The following PIEZO2 variants were observed in gnomAD, a reference collection of about 807,000 sequenced individuals.
The protein encoded by PIEZO2 is piezo type mechanosensitive ion channel component 2, also known as piezo-type mechanosensitive ion channel component 2.
PIEZO2 carries 172 observed loss-of-function variants against 337.3 expected under a neutral mutation model. The observed-to-expected ratio is 0.51, with a 90% CI of 0.45 to 0.58. The LOEUF is 0.58. Among genes scored for constraint, PIEZO2 ranks in the 20% least tolerant of loss-of-function variants. The probability of loss-of-function intolerance (pLI) is 0.00; values close to 1 mark genes in which losing one functional copy is unlikely to be tolerated. For missense variants in PIEZO2, 3,028 were observed against 3,391.3 expected (o/e 0.89, Z 2.66); for synonymous variants, 1,251 against 1,228.5 (o/e 1.02, Z -0.38).
In PIEZO2 at chr18:11,110,003, C is replaced by T. The variant is rs921513274; in HGVS notation, c.64+38522G>A. Among the ~76,000 whole-genome samples the T allele has an allele frequency of 3.9e-5, 6 of 152,144 alleles. No individual in the cohort carries two copies. Among genetic ancestry groups the T allele is most frequent in the Non-Finnish European group, 7.3e-5 (5 of 68,030 alleles). ...ACATTTGACCATGTGAGTCTGAAAA[C>T]ATGTTTCTTCCATTTCCATCTTTAT... On this transcript the variant is annotated intron_variant, in intron 1 of 55. Transcript: ENST00000674853. This position sits in a 1 kb window ranked among gnomAD's most constrained non-coding sequence, Gnocchi z 4.2.
intron 3 of PIEZO2, among the ~76,000 whole-genome samples, chr18:10,949,884 A>C (rs940211115): frequency 1.3e-5 from 2 of 152,234 alleles, no homozygotes; most frequent in East Asian, 3.9e-4. Context: ...GATAAGCAGA[A>C]GGCAGCCTCC....
At chr18:11,011,287 A>G (rs2035890973) in intron 2 of PIEZO2, among the ~76,000 whole-genome samples, 1 of 152,248 alleles carries the variant, frequency 6.6e-6, no homozygotes, top group Admixed American at 6.5e-5. Flanking sequence ...AGTCTTAATT[A>G]AATTATATTG....
Position 10,855,582 on chromosome 18 carries a change from G to A in PIEZO2, c.704-16C>T, listed in dbSNP as rs760073619. Reference sequence around the variant, plus strand: ...AACATCATGCCTAAGGAAGAGAAACGTAATCACAAAGTCAGGTAGAACTGG... The same window carrying A: ...AACATCATGCCTAAGGAAGAGAAACATAATCACAAAGTCAGGTAGAACTGG... On this transcript the variant is annotated splice_polypyrimidine_tract_variant and intron_variant, in intron 6 of 55. Transcript: ENST00000674853. This position sits in a 1 kb window ranked among gnomAD's most constrained non-coding sequence, Gnocchi z 4.9. The A allele has an allele frequency of 2.2e-4, 333 of 1,515,002 alleles. No homozygotes were observed. Among genetic ancestry groups the A allele is most frequent in the Non-Finnish European group, 2.7e-4 (303 of 1,128,318 alleles). The allele number at this position is 1,515,002 out of a possible 1,614,324, so 93.8% of individuals were successfully genotyped here. A position where few individuals can be genotyped will look rare whatever the true frequency, so the allele number is the denominator to read the frequency against.
intron 4 of PIEZO2, among the ~76,000 whole-genome samples, chr18:10,897,672 A>G (rs1461833411): frequency 1.3e-5 from 2 of 152,186 alleles, no homozygotes; most frequent in African/African-American, 4.8e-5. Context: ...GTATGTCTTT[A>G]TCAGCAGCAT....
rs1007809657 is a variant in PIEZO2, at chr18:11,111,726, G to T, written c.64+36799C>A. ...CTTGAACTGACACCGTCACACCCTCGGGGAATCCGTAGCCAGGCACCAGTC... is the reference window on the plus strand; with the variant it reads ...CTTGAACTGACACCGTCACACCCTCTGGGAATCCGTAGCCAGGCACCAGTC... On this transcript the variant is annotated intron_variant, in intron 1 of 55. Transcript: ENST00000674853. The surrounding 1 kb of genome is among the most constrained non-coding windows in gnomAD (Gnocchi z 6.2). Among the ~76,000 whole-genome samples, 1 of 152,124 alleles carries T rather than the reference G, an allele frequency of 6.6e-6. No individual in the cohort carries two copies. The highest frequency in any genetic ancestry group is 1.5e-5 in the Non-Finnish European group (1 of 68,028).
At chr18:11,108,231 A>G (rs970226626) in intron 1 of PIEZO2, among the ~76,000 whole-genome samples, 1 of 152,250 alleles carries the variant, frequency 6.6e-6, no homozygotes, top group Non-Finnish European at 1.5e-5. Context: ...TTCTTAAAAC[A>G]TAGCCAGATT....
Position 11,148,826 on chromosome 18 carries a change from A to AGCCCGGC in PIEZO2, c.-245_-239dup, listed in dbSNP as rs1313839606. 1 of 442,104 alleles carries AGCCCGGC rather than the reference A, an allele frequency of 2.3e-6. No individual in the cohort carries two copies. Among genetic ancestry groups the AGCCCGGC allele is most frequent in the Non-Finnish European group, 3.9e-6 (1 of 253,668 alleles). The allele number at this position is 442,104 out of a possible 1,614,324, so 27.4% of individuals were successfully genotyped here. On this transcript the variant is annotated 5_prime_UTR_variant, in exon 1 of 56. It introduces an in-frame stop codon into an upstream open reading frame of the 5' UTR. Transcript: ENST00000674853. This position sits in a 1 kb window ranked among gnomAD's most constrained non-coding sequence, Gnocchi z 5.2. The stretch of plus-strand genomic sequence containing the variant: ...CTCACCAGGCTCTTGGCGGCCACCT[A>AGCCCGGC]GCCCGGCGCCCGGCCCCCTGCGGCC...
At chr18:10,797,645 T>C in intron 11 of PIEZO2, 123 bp from the exon 12 acceptor site, 1 of 1,422,338 alleles carries the variant, frequency 7.0e-7, no homozygotes, top group Non-Finnish European at 9.2e-7. Flanking sequence ...TCAGAAATTG[T>C]TTCCCATTCA....
At chr18:10,995,136 A>T (rs1296859534) in intron 2 of PIEZO2, among the ~76,000 whole-genome samples, 5 of 148,736 alleles carry the variant, frequency 3.4e-5, no homozygotes, top group Non-Finnish European at 7.4e-5. Context: ...GCCAACATCT[A>T]TTTTTTTTTA....
At chr18:11,052,856 A>G (rs2037580759) in intron 2 of PIEZO2, among the ~76,000 whole-genome samples, 1 of 152,212 alleles carries the variant, frequency 6.6e-6, no homozygotes. Flanking sequence ...TATCTCCCTT[A>G]AGCATACTCA....
rs2036441694 is a variant in PIEZO2, at chr18:10,724,410, G to T, written c.5030-6151C>A. On this transcript the variant is annotated intron_variant, in intron 36 of 55. Transcript: ENST00000674853. This position sits in a 1 kb window ranked among gnomAD's most constrained non-coding sequence, Gnocchi z 5.8. ...CTTTCTCCTGGCCCAGCATACTTGG[G>T]TGAAGTCTGCTGGAGGCAATGCATG... is the stretch of plus-strand genomic sequence containing the variant. Among the ~76,000 whole-genome samples the T allele has an allele frequency of 6.6e-6, 1 of 152,138 alleles. No individual in the cohort carries two copies. The highest frequency in any genetic ancestry group is 1.5e-5 in the Non-Finnish European group (1 of 68,018).
At chr18:10,871,775 G>A (rs2042146217) in intron 4 of PIEZO2, among the ~76,000 whole-genome samples, 1 of 152,210 alleles carries the variant, frequency 6.6e-6, no homozygotes. Context: ...CTAGCAGCTA[G>A]AAGATATTTT....
At position 10,757,995 on chromosome 18, in the gene PIEZO2, G is replaced by T; in HGVS notation, c.3897C>A (p.Asn1299Lys). The T allele has an allele frequency of 6.5e-7, 1 of 1,536,852 alleles. No homozygotes were observed. The highest frequency in any genetic ancestry group is 8.7e-7 in the Non-Finnish European group (1 of 1,146,682). Reference sequence around the variant, plus strand: ...TGCAGTGAATAAAATCTGGCACAGGGTTATGTTGGCTGAAGGAGGCCGCAT... The same window carrying T: ...TGCAGTGAATAAAATCTGGCACAGGTTTATGTTGGCTGAAGGAGGCCGCAT... ...NLDAASFSQHNPVPDFIHCRS... is the reference protein window; with the variant it reads ...NLDAASFSQHKPVPDFIHCRS... Residue 1299 changes from asparagine to lysine, a missense_variant, in exon 27 of 56, where the codon AAC becomes AAA. Coordinates refer to ENST00000674853, the MANE Select transcript of PIEZO2 (RefSeq NM_001378183.1).
chr18:11,006,839 T>C (rs2035743274), intron 2 of PIEZO2, among the ~76,000 whole-genome samples: 1 of 152,194 alleles, frequency 6.6e-6, no homozygotes, highest in Non-Finnish European at 1.5e-5. Flanking sequence ...GTCTAAAAAA[T>C]GATCTTAAAG....
chr18:10,761,725 C>G, intron 23 of PIEZO2, among the ~76,000 whole-genome samples: 1 of 152,098 alleles, frequency 6.6e-6, no homozygotes, highest in Admixed American at 6.5e-5. Flanking sequence ...ATGGTGGGTA[C>G]TGGTACAAAA....
intron 3 of PIEZO2, among the ~76,000 whole-genome samples, chr18:10,939,226 A>G (rs554721730): frequency 2.6e-4 from 39 of 152,340 alleles, no homozygotes; most frequent in African/African-American, 8.9e-4. Flanking sequence ...TGCCAATAGA[A>G]TAGCTGGAAC....
In PIEZO2 at chr18:10,705,531, T is replaced by C. The variant is rs1198232080; in HGVS notation, c.5804A>G (p.Asp1935Gly). 9 of 1,537,118 alleles carry C rather than the reference T, an allele frequency of 5.9e-6. No individual in the cohort carries two copies. The highest frequency in any genetic ancestry group is 7.8e-6 in the Non-Finnish European group (9 of 1,146,892). The change falls in exon 41 of 56, where the codon GAC becomes GGC. Residue 1935 changes from aspartate to glycine, a missense_variant. Physicochemically the swap from Asp to Gly is moderately conservative, Grantham distance 94 (BLOSUM62 -1). Coordinates refer to ENST00000674853, the MANE Select transcript of PIEZO2 (RefSeq NM_001378183.1). ...EEELTQFSTL[D>G]GDVEAPPSYS... Reference sequence around the variant, plus strand: ...GGAGGGTGGGGCCTCCACATCCCCGTCCAAGGTGGAGAACTGTGTCAGCTC... The same window carrying C: ...GGAGGGTGGGGCCTCCACATCCCCGCCCAAGGTGGAGAACTGTGTCAGCTC...
In PIEZO2 at chr18:10,757,956, A is replaced by G. The variant is rs1304897986; in HGVS notation, c.3923+13T>C. On this transcript the variant is annotated intron_variant, in intron 27 of 55. Transcript: ENST00000674853. Reference sequence around the variant, plus strand: ...ATCAAAGTGGCTTTTAGCAAATGTGAAGCTCTTGTTACCTGCAGTGAATAA... The same window carrying G: ...ATCAAAGTGGCTTTTAGCAAATGTGGAGCTCTTGTTACCTGCAGTGAATAA... 1 of 1,528,096 alleles carries G rather than the reference A, an allele frequency of 6.5e-7. No individual in the cohort carries two copies. 94.7% of individuals were successfully genotyped at this position (1,528,096 alleles called of 1,614,324 possible). A position where few individuals can be genotyped will look rare whatever the true frequency, so the allele number is the denominator to read the frequency against.
At chr18:10,932,507 G>A (rs2032153068) in intron 3 of PIEZO2, among the ~76,000 whole-genome samples, 2 of 152,190 alleles carry the variant, frequency 1.3e-5, no homozygotes, top group Admixed American at 1.3e-4. Context: ...CAGTCACTGT[G>A]TTTCCGGGGA....
Sources: allele counts gnomAD v4.1 joint callset (sites outside exome capture counted in the v4.1 genomes callset), GRCh38; gene constraint gnomAD v4.1.1; non-coding constraint Gnocchi (gnomAD v3.1); transcripts MANE v1.5; gene names NCBI Gene and HGNC (gene_info 2026-07-23, HGNC 2026-07-21).